Variants in ZNF185 observed in about 807,000 individuals in gnomAD.
ZNF185 encodes the protein zinc finger protein 185.
In ZNF185, 56 loss-of-function variants were observed where a neutral mutation model predicts 58.6. The ratio of observed to expected loss-of-function variants is 0.95; its 90% CI spans 0.77 to 1.19. The LOEUF is 1.19. Among genes scored for constraint, ZNF185 ranks in the 50% most tolerant of loss-of-function variants. The pLI is 0.00. For missense variants in ZNF185, 627 were observed against 573.5 expected, an observed-to-expected ratio of 1.09 and a Z score of -0.95; for synonymous variants, 230 against 215.9, an observed-to-expected ratio of 1.07 and a Z score of -0.57.
chrX:152,920,832 G>A (rs1556869201), intron 9 of ZNF185, 84 bp downstream of exon 10: 13 of 1,069,550 alleles, frequency 1.2e-5, no homozygotes, highest in Non-Finnish European at 1.7e-5. Flanking sequence ...TGTGGGAGCT[G>A]TGGAGAGGGG....
intron 11 of ZNF185, 48 bp from the exon 13 acceptor site, chrX:152,928,527 G>GA (rs1941310799): frequency 8.4e-7 from 1 of 1,187,308 alleles, no homozygotes; most frequent in Non-Finnish European, 1.1e-6. Context: ...CAAGAAGGGG[G>GA]AGACTTTTCT....
rs782343773 is a variant in ZNF185 at position 152,919,479 on chromosome X, C to T, written c.530+398C>T. Among the ~76,000 whole-genome samples, 7 of 111,324 alleles carry T rather than the reference C, an allele frequency of 6.3e-5. No homozygotes were observed. The South Asian group carries it at 2.7e-3, about 43-fold the overall frequency. ...CTGCATGCCTTGGGGGTTCTGAATG[C>T]CCCGGACCCCAAACTGAGCTCCAGG... On this transcript the variant is annotated intron_variant, in intron 7 of 22. Transcript: ENST00000449285.
chrX:152,962,013 G>A (rs990588731), intron 17 of ZNF185, among the ~76,000 whole-genome samples: 1 of 112,116 alleles, frequency 8.9e-6, no homozygotes, highest in Non-Finnish European at 1.9e-5. Flanking sequence ...TTAGAGCAAG[G>A]ATGGTTAGGG....
chrX:152,950,513 C>T (rs1556899051), intron 16 of ZNF185, among the ~76,000 whole-genome samples: 1 of 111,458 alleles, frequency 9.0e-6, no homozygotes, highest in East Asian at 2.8e-4. Flanking sequence ...TATGGAATTT[C>T]TAAAATATTT....
intron 16 of ZNF185, among the ~76,000 whole-genome samples, chrX:152,957,518 GAACT>G (rs2048972708): frequency 1.8e-5 from 2 of 112,072 alleles, no homozygotes; most frequent in African/African-American, 6.5e-5. Flanking sequence ...ATAATTTTTA[GAACT>G]AACTATGATA....
At chrX:152,904,616 C>T in the ZNF185 span, among the ~76,000 whole-genome samples, 5 of 112,565 alleles carry the variant, frequency 4.4e-5, no homozygotes, top group Admixed American at 2.8e-4. Flanking sequence ...ACTGAGTCAG[C>T]CAAGTGCGTG....
At chrX:152,902,639 C>T in the ZNF185 span, among the ~76,000 whole-genome samples, 17 of 112,890 alleles carry the variant, frequency 1.5e-4, no homozygotes, top group East Asian at 2.5e-3. Context: ...GGCAACATTC[C>T]GCTAGGCCGA....
chrX:152,939,544 A>G (rs782341079), intron 15 of ZNF185, among the ~76,000 whole-genome samples: 2 of 112,112 alleles, frequency 1.8e-5, no homozygotes, highest in South Asian at 3.7e-4. Flanking sequence ...AAGACCCAGA[A>G]TCAGTAACTT....
intron 16 of ZNF185, among the ~76,000 whole-genome samples, chrX:152,952,896 A>T (rs2048436834): frequency 9.5e-6 from 1 of 105,623 alleles, no homozygotes; most frequent in Admixed American, 1.0e-4. Flanking sequence ...GGGGCAGGGC[A>T]TGTAGTCAGC....
chrX:152,945,134 C>A lies in ZNF185; in HGVS notation c.1212-133C>A, dbSNP rs1603280800. On this transcript the variant is annotated intron_variant, in intron 15 of 22. Transcript: ENST00000449285. ...TCCCTGGAATTGGGGCTGTGCCTGG[C>A]TCCTTTCTGCCCCGCTTTCAGGGAT... 8.4e-6 allele frequency: 6 copies of A among 715,710 alleles called. No homozygotes were observed. In the East Asian group the frequency reaches 1.8e-4, roughly 21 times the overall value. The allele number at this position is 715,710 out of a possible 1,213,427, so 59.0% of individuals were successfully genotyped here. A position where few individuals can be genotyped will look rare whatever the true frequency, so the allele number is the denominator to read the frequency against.
intron 12 of ZNF185, among the ~76,000 whole-genome samples, chrX:152,929,391 C>T (rs1169904756): frequency 9.0e-6 from 1 of 111,138 alleles, no homozygotes; most frequent in Non-Finnish European, 1.9e-5. Flanking sequence ...AGGCCAGGGA[C>T]TGGGGAGAGA....
chrX:152,902,960 A>G, the ZNF185 span, among the ~76,000 whole-genome samples: 996 of 111,603 alleles, frequency 8.9e-3, 20 homozygotes, highest in African/African-American at 0.031. Context: ...GACAGAAGGA[A>G]TTAGCTTTGG....
intron 11 of ZNF185, 96 bp from the exon 13 acceptor site, chrX:152,928,479 G>A: frequency 1.2e-6 from 1 of 869,481 alleles, no homozygotes; most frequent in Admixed American, 2.5e-5. Flanking sequence ...CATCAAAAGG[G>A]GGCAGTGGGT....
intron 12 of ZNF185, among the ~76,000 whole-genome samples, chrX:152,929,091 T>C (rs1941444494): frequency 1.8e-5 from 2 of 111,435 alleles, no homozygotes; most frequent in Non-Finnish European, 3.8e-5. Context: ...GGGAGGAGGA[T>C]TGGGTCTAAG....
chrX:152,970,532 G>A (rs1271412187), exon 22 of ZNF185: 73 of 1,207,978 alleles, frequency 6.0e-5, no homozygotes, highest in Non-Finnish European at 8.1e-5. Context: ...GCTATGAGAA[G>A]CTCTTCTAGG....
chrX:152,915,293 T>C (rs1348519406), intron 3 of ZNF185, 90 bp downstream of exon 4: 1 of 959,798 alleles, frequency 1.0e-6, no homozygotes, highest in Non-Finnish European at 1.4e-6. Context: ...GGGTGGGCAG[T>C]CCACAGGGGA....
At chrX:152,937,876 A>G (rs1556883693) in intron 14 of ZNF185, among the ~76,000 whole-genome samples, 198 bp from the exon 17 acceptor site, 1 of 112,504 alleles carries the variant, frequency 8.9e-6, no homozygotes, top group Non-Finnish European at 1.9e-5. Context: ...CTCAGGTGCT[A>G]AGGCCATGTC....
chrX:152,962,053 C>T (rs1436589320), intron 17 of ZNF185, among the ~76,000 whole-genome samples: 3 of 111,537 alleles, frequency 2.7e-5, no homozygotes, highest in African/African-American at 6.5e-5. Context: ...GGAGACAGTT[C>T]GGCTGAGACC....
intron 9 of ZNF185, among the ~76,000 whole-genome samples, chrX:152,921,443 A>G (rs1207561290): frequency 3.0e-5 from 3 of 100,885 alleles, no homozygotes; most frequent in Non-Finnish European, 3.9e-5. Flanking sequence ...GGGTGGGACT[A>G]GCTTGCTGTG....
Sources: allele counts gnomAD v4.1 joint callset (sites outside exome capture counted in the v4.1 genomes callset), GRCh38; gene constraint gnomAD v4.1.1; transcripts MANE v1.5; gene names NCBI Gene and HGNC (gene_info 2026-07-23, HGNC 2026-07-21).